Variants in TNPO3 observed in about 807,000 individuals in gnomAD.
The protein encoded by TNPO3 is transportin 3.
Under a neutral mutation model 122.8 loss-of-function variants are expected in TNPO3, and 65 were observed. The ratio of observed to expected loss-of-function variants is 0.53; its 90% CI spans 0.43 to 0.65. The LOEUF (loss-of-function observed/expected upper bound fraction) is 0.65. TNPO3 is among the 30% of genes least tolerant of loss of function. The pLI, the probability that TNPO3 is intolerant of heterozygous loss-of-function variation, is 0.00. For synonymous variants in TNPO3, 372 were observed against 411.2 expected (o/e 0.90, Z 1.15); for missense variants, 850 against 1,136.7 (o/e 0.75, Z 3.63).
At chr7:128,984,106 C>A in intron 13 of TNPO3, 62 bp downstream of exon 13, 2 of 1,091,152 alleles carry the variant, frequency 1.8e-6, no homozygotes, top group South Asian at 1.7e-5. Context: ...GTAATTTCAT[C>A]TTTTCATTTT....
Position 128,970,273 on chromosome 7 carries a change from C to A in TNPO3, c.2473G>T (p.Val825Leu), listed in dbSNP as rs1374175011. The A allele has an allele frequency of 6.2e-7, 1 of 1,612,274 alleles. No individual in the cohort carries two copies. Among genetic ancestry groups the A allele is most frequent in the Admixed American group, 1.7e-5 (1 of 59,660 alleles). ...AGCTGCTGTCCAAGCTGGTTCATCA[C>A]CTGTCCAATCAGTTCTTTCCGTAAT... is the stretch of plus-strand genomic sequence containing the variant. Reference protein sequence around the residue: ...FELRKELIGQVMNQLGQQLVS... With the variant: ...FELRKELIGQLMNQLGQQLVS... Residue 825 changes from valine (V) to leucine (L), a missense_variant, in exon 20 of 23, where the codon GTG becomes TTG. Physicochemically the swap from Val to Leu is conservative, Grantham distance 32. Transcript: ENST00000265388.
chr7:128,998,573 G>T (rs1371079018), intron 7 of TNPO3, among the ~76,000 whole-genome samples: 1 of 152,108 alleles, frequency 6.6e-6, no homozygotes, highest in Non-Finnish European at 1.5e-5. Flanking sequence ...ATCTAGGCTG[G>T]AGTACAGTGG....
At chr7:129,055,830 C>T (rs546726927), upstream of TNPO3, 1 of 537,596 alleles carries the variant, frequency 1.9e-6, no homozygotes, top group South Asian at 2.4e-5. Context: ...CAAAAGGTAA[C>T]AGTATATTGA....
chr7:128,973,735 CAAAAAAAAAAAAAAA>C (rs71162544), intron 18 of TNPO3, among the ~76,000 whole-genome samples: 3 of 5,270 alleles, frequency 5.7e-4, no homozygotes, highest in African/African-American at 3.4e-3. Context: ...GACTCCGTCT[CAAAAAAAAAAAAAAA>C]AAAAAAAAAA....
chr7:128,976,723 A>G (rs902705131), intron 16 of TNPO3, among the ~76,000 whole-genome samples: 3 of 152,228 alleles, frequency 2.0e-5, no homozygotes, highest in Non-Finnish European at 4.4e-5. Flanking sequence ...TCACCTATTT[A>G]AAATGCCACC....
chr7:128,958,471 C>G (rs6966125), intron 21 of TNPO3, among the ~76,000 whole-genome samples: 26,537 of 152,050 alleles, frequency 0.17, 2,778 homozygotes, highest in East Asian at 0.43. Flanking sequence ...TGCTTGCCTT[C>G]CTGTAGCCCT....
chr7:129,039,550 AT>A (rs1463117095), intron 1 of TNPO3, among the ~76,000 whole-genome samples: 1 of 152,072 alleles, frequency 6.6e-6, no homozygotes, highest in Non-Finnish European at 1.5e-5. Context: ...ACAGAGGAAG[AT>A]TCTGTCTAAA....
At chr7:128,960,510 C>G (rs1797336140) in intron 21 of TNPO3, among the ~76,000 whole-genome samples, 2 of 151,188 alleles carry the variant, frequency 1.3e-5, no homozygotes. Flanking sequence ...TGATCTTGAC[C>G]CTGTGTAGGT....
chr7:129,015,362 T>C (rs1803720636), intron 3 of TNPO3, among the ~76,000 whole-genome samples: 1 of 101,206 alleles, frequency 9.9e-6, no homozygotes, highest in South Asian at 3.7e-4. Flanking sequence ...GATATCTATA[T>C]GTCCTAACAT....
chr7:129,042,308 C>CA (rs1246962235), intron 1 of TNPO3, among the ~76,000 whole-genome samples: 1 of 152,130 alleles, frequency 6.6e-6, no homozygotes, highest in Non-Finnish European at 1.5e-5. Flanking sequence ...TGAAGATTTT[C>CA]AAAGATTTAT....
intron 11 of TNPO3, among the ~76,000 whole-genome samples, chr7:128,987,708 G>A (rs780652336): frequency 2.6e-5 from 4 of 152,144 alleles, no homozygotes; most frequent in Non-Finnish European, 5.9e-5. Context: ...AGCCTCCTGA[G>A]TAGCTGGGAC....
At chr7:128,964,654 T>C (rs907785285) in intron 21 of TNPO3, among the ~76,000 whole-genome samples, 4 of 152,082 alleles carry the variant, frequency 2.6e-5, no homozygotes, top group Non-Finnish European at 5.9e-5. Context: ...ATCTTTAAAG[T>C]GAACATTGCA....
intron 1 of TNPO3, among the ~76,000 whole-genome samples, chr7:129,045,340 G>T (rs1314120376): frequency 1.3e-5 from 2 of 151,978 alleles, no homozygotes; most frequent in African/African-American, 4.8e-5. Flanking sequence ...ACTTAAAAAT[G>T]GTTAAAATGA....
In TNPO3 at chr7:128,957,333, G is replaced by A. The variant is rs1392288798; in HGVS notation, c.2712-18C>T. Reference sequence around the variant, plus strand: ...CCTCAGCACTAGAAAAGAAAAGGTAGGTTGGTCCTTGACTGAGGAGAAAGA... The same window carrying A: ...CCTCAGCACTAGAAAAGAAAAGGTAAGTTGGTCCTTGACTGAGGAGAAAGA... On this transcript the variant is annotated intron_variant, in intron 21 of 22. Coordinates refer to ENST00000265388, the MANE Select transcript of TNPO3 (RefSeq NM_012470.4). 9 of 1,613,968 alleles carry A rather than the reference G, an allele frequency of 5.6e-6. No individual in the cohort carries two copies. Among genetic ancestry groups the A allele is most frequent in the Non-Finnish European group, 5.9e-6 (7 of 1,179,932 alleles).
At chr7:129,024,495 C>T (rs1804883705) in intron 1 of TNPO3, among the ~76,000 whole-genome samples, 2 of 152,276 alleles carry the variant, frequency 1.3e-5, no homozygotes, top group South Asian at 4.1e-4. Flanking sequence ...GGGTAATCTG[C>T]TTCACAGTGG....
At chr7:128,972,319 T>C (rs1798573162) in intron 19 of TNPO3, 107 bp downstream of exon 19, 2 of 1,270,916 alleles carry the variant, frequency 1.6e-6, no homozygotes, top group African/African-American at 1.5e-5. Flanking sequence ...TGTCTACCAA[T>C]ATAGATCAAG....
rs187579758 is a variant in TNPO3 at position 129,000,680 on chromosome 7, T to G, written c.873-113A>C. 7.9e-4 allele frequency: 852 copies of G among 1,071,846 alleles called. 10 individuals are homozygous for G. The Admixed American group carries it at 0.01, about 13-fold the overall frequency. 66.4% of individuals were successfully genotyped at this position (1,071,846 alleles called of 1,614,324 possible). Reference sequence around the variant, plus strand: ...GTTCCTCAGTCTAAGGGACATCTAGTGATTATTTACTATGCTGTATCACAA... The same window carrying G: ...GTTCCTCAGTCTAAGGGACATCTAGGGATTATTTACTATGCTGTATCACAA... On this transcript the variant is annotated intron_variant, in intron 6 of 22. Coordinates refer to ENST00000265388, the MANE Select transcript of TNPO3 (RefSeq NM_012470.4).
chr7:128,967,503 C>T, intron 20 of TNPO3, 111 bp from the exon 21 acceptor site: 1 of 666,844 alleles, frequency 1.5e-6, no homozygotes, highest in South Asian at 1.8e-5. Context: ...ATTTACTTCC[C>T]TACACTTGGG....
At chr7:129,015,160 T>G (rs111227693) in intron 3 of TNPO3, 25 bp from the exon 4 acceptor site, 46 of 1,598,530 alleles carry the variant, frequency 2.9e-5, no homozygotes, top group Non-Finnish European at 3.7e-5. Flanking sequence ...AGTGGAGATA[T>G]GTTATTTATA....
Sources: gnomAD v4.1 joint callset for allele counts (sites outside exome capture counted in the v4.1 genomes callset) on GRCh38, gnomAD v4.1.1 for gene constraint, MANE v1.5 for transcripts, NCBI Gene and HGNC (gene_info 2026-07-23, HGNC 2026-07-21) for gene names.